RBFOX1: variants seen among roughly 807,000 people sequenced by gnomAD.
RBFOX1 encodes the protein RNA binding fox-1 homolog 1.
A neutral mutation model predicts 57.7 loss-of-function variants in RBFOX1; 8 were observed. The ratio of observed to expected loss-of-function variants is 0.14; its 90% CI spans 0.08 to 0.25. The LOEUF (loss-of-function observed/expected upper bound fraction) is 0.25. Ranked by LOEUF, RBFOX1 falls within the 10% of genes least tolerant of loss-of-function variation. The pLI, the probability that RBFOX1 is intolerant of heterozygous loss-of-function variation, is 1.00. For missense variants in RBFOX1, 611 were observed against 548.5 expected (o/e 1.11, Z -1.14); for synonymous variants, 326 against 222.4 (o/e 1.47, Z -4.15).
intron 4 of RBFOX1, among the ~76,000 whole-genome samples, chr16:7,060,883 T>G (rs2054032445): frequency 6.6e-6 from 1 of 152,312 alleles, no homozygotes; most frequent in South Asian, 2.1e-4. Flanking sequence ...GCATTAACTT[T>G]CCAAATGATC....
chr16:7,516,700 G>C (rs2076430296), intron 4 of RBFOX1, among the ~76,000 whole-genome samples: 1 of 152,230 alleles, frequency 6.6e-6, no homozygotes, highest in African/African-American at 2.4e-5. Context: ...GGAAGAGCCT[G>C]ATGGGAATGA....
At chr16:6,241,512 C>G (rs1216694717) in intron 1 of RBFOX1, among the ~76,000 whole-genome samples, 1 of 152,068 alleles carries the variant, frequency 6.6e-6, no homozygotes, top group Non-Finnish European at 1.5e-5. Context: ...GATAATTTTC[C>G]TCGTAAGTAA....
At position 6,587,481 on chromosome 16, in the gene RBFOX1, C is replaced by T. The variant is rs138519989; in HGVS notation, c.-63-67122C>T. 9.9e-4 allele frequency among the ~76,000 whole-genome samples: 150 copies of T among 152,212 alleles called. 1 individual carries two copies. The highest frequency in any genetic ancestry group is 3.4e-3 in the African/African-American group (143 of 41,536). ...ATTTTTAGCAGAGACAGGGTTTCAC[C>T]TTGTTGGCCAGGGTGGTCTTGAACT... On this transcript the variant is annotated intron_variant, in intron 2 of 15. Transcript: ENST00000550418.
At chr16:5,830,991 G>A (rs73518503) in intron 3 of RBFOX1, among the ~76,000 whole-genome samples, 11,223 of 152,020 alleles carry the variant, frequency 0.074, 961 homozygotes, top group African/African-American at 0.2. Flanking sequence ...TGTTTTTTGC[G>A]TAGCCCTTGT....
chr16:5,864,178 G>C (rs1353227439), intron 3 of RBFOX1, among the ~76,000 whole-genome samples: 1 of 152,158 alleles, frequency 6.6e-6, no homozygotes, highest in East Asian at 1.9e-4. Context: ...TGCTGTGTTA[G>C]TTTGCTAAGG....
chr16:6,108,495 C>T (rs2096408224), intron 1 of RBFOX1, among the ~76,000 whole-genome samples: 1 of 152,114 alleles, frequency 6.6e-6, no homozygotes, highest in Non-Finnish European at 1.5e-5. Context: ...TATTATGTGG[C>T]ATTATCATCA....
intron 3 of RBFOX1, among the ~76,000 whole-genome samples, chr16:5,805,445 A>G (rs1249042932): frequency 1.3e-5 from 2 of 152,220 alleles, no homozygotes; most frequent in African/African-American, 4.8e-5. Flanking sequence ...GAAGCTGTTA[A>G]TGCCTATTCT....
intron 2 of RBFOX1, among the ~76,000 whole-genome samples, chr16:6,555,714 C>G (rs1190851126): frequency 6.6e-6 from 1 of 151,854 alleles, no homozygotes; most frequent in African/African-American, 2.4e-5. Context: ...AAAAACAAAA[C>G]AAAACAAACA....
intron 4 of RBFOX1, among the ~76,000 whole-genome samples, chr16:7,455,436 T>A (rs2058302603): frequency 6.6e-6 from 1 of 152,128 alleles, no homozygotes; most frequent in Non-Finnish European, 1.5e-5. Context: ...CAGAGTTGTT[T>A]GCAAGAAAAT....
chr16:5,669,744 C>G (rs771782693), intron 3 of RBFOX1, among the ~76,000 whole-genome samples: 7 of 152,010 alleles, frequency 4.6e-5, no homozygotes, highest in Non-Finnish European at 8.8e-5. Flanking sequence ...GATGAAAACA[C>G]AAGGAAAGAG....
intron 3 of RBFOX1, among the ~76,000 whole-genome samples, chr16:5,840,612 G>A (rs1257363993): frequency 1.3e-5 from 2 of 152,202 alleles, no homozygotes; most frequent in East Asian, 1.9e-4. Context: ...TGGGATGAGA[G>A]TATGGGCTTC....
At chr16:7,507,351 G>A (rs2073654268) in intron 4 of RBFOX1, among the ~76,000 whole-genome samples, 2 of 151,844 alleles carry the variant, frequency 1.3e-5, no homozygotes, top group Non-Finnish European at 2.9e-5. Context: ...TTCATTTAAA[G>A]AATGTTGGTA....
intron 12 of RBFOX1, among the ~76,000 whole-genome samples, chr16:7,664,534 G>T (rs970780834): frequency 1.3e-5 from 2 of 152,098 alleles, no homozygotes; most frequent in South Asian, 2.1e-4. Context: ...AGATGTTTTG[G>T]GTTTTTATTC....
At chr16:6,010,824 A>G (rs984580223) in intron 4 of RBFOX1, among the ~76,000 whole-genome samples, 3 of 152,226 alleles carry the variant, frequency 2.0e-5, no homozygotes, top group African/African-American at 7.2e-5. Context: ...TTATAGTCCT[A>G]AAAGACATTC....
intron 3 of RBFOX1, among the ~76,000 whole-genome samples, chr16:5,770,456 C>G (rs1000142526): frequency 1.3e-5 from 2 of 152,280 alleles, no homozygotes; most frequent in South Asian, 2.1e-4. Flanking sequence ...CTCCCCACCC[C>G]TTTTCCAGGA....
chr16:6,576,482 T>C (rs963013007), intron 2 of RBFOX1, among the ~76,000 whole-genome samples: 2 of 152,210 alleles, frequency 1.3e-5, no homozygotes, highest in African/African-American at 4.8e-5. Flanking sequence ...CCTGCTGTAC[T>C]CTGAACTGTT....
chr16:7,688,751 A>C (rs2076681243), intron 14 of RBFOX1, among the ~76,000 whole-genome samples: 1 of 152,164 alleles, frequency 6.6e-6, no homozygotes, highest in South Asian at 2.1e-4. Flanking sequence ...GGCTAGTGAC[A>C]TAAGAGTGAA....
chr16:7,581,375 T>C (rs971421615), intron 6 of RBFOX1, among the ~76,000 whole-genome samples: 6 of 152,144 alleles, frequency 3.9e-5, no homozygotes, highest in Admixed American at 3.3e-4. Flanking sequence ...GTGTGAATGA[T>C]GGGCGGTAAG....
At chr16:7,226,104 G>C (rs1454773406) in intron 4 of RBFOX1, among the ~76,000 whole-genome samples, 1 of 151,974 alleles carries the variant, frequency 6.6e-6, no homozygotes, top group Non-Finnish European at 1.5e-5. Flanking sequence ...TCAGGACTGA[G>C]ATCCTATCAC....
Sources: allele counts gnomAD v4.1 joint callset (sites outside exome capture counted in the v4.1 genomes callset), GRCh38; gene constraint gnomAD v4.1.1; transcripts MANE v1.5; gene names NCBI Gene and HGNC (gene_info 2026-07-23, HGNC 2026-07-21).